The following PDE1C variants were observed in gnomAD, a reference collection of about 807,000 sequenced individuals.
The protein encoded by PDE1C is phosphodiesterase 1C.
In PDE1C, 62 loss-of-function variants were observed where a neutral mutation model predicts 93.1. That is an observed-to-expected ratio of 0.67 (90% CI 0.54 to 0.82). PDE1C has a LOEUF of 0.82. PDE1C is among the 40% of genes least tolerant of loss of function. The pLI is 0.00. For synonymous variants in PDE1C, 325 were observed against 310.1 expected (o/e 1.05, Z -0.50); for missense variants, 742 against 884.6 (o/e 0.84, Z 2.04).
chr7:31,892,981 CT>C (rs1424534402), intron 2 of PDE1C, among the ~76,000 whole-genome samples: 1 of 152,124 alleles, frequency 6.6e-6, no homozygotes, highest in African/African-American at 2.4e-5. Flanking sequence ...GATTTAATCA[CT>C]CCACAATCTA....
intron 2 of PDE1C, among the ~76,000 whole-genome samples, chr7:31,970,926 T>C (rs1810866144): frequency 6.6e-6 from 1 of 152,178 alleles, no homozygotes; most frequent in Non-Finnish European, 1.5e-5. Context: ...GAGGATCACC[T>C]GAAGTCAGGA....
intron 1 of PDE1C, among the ~76,000 whole-genome samples, chr7:32,053,004 C>G (rs62457519): frequency 1.3e-5 from 2 of 152,030 alleles, no homozygotes; most frequent in East Asian, 1.9e-4. Flanking sequence ...AAATATAGGA[C>G]TATATAGAGA....
rs565328331 is a variant in PDE1C, at chr7:32,028,314, C to A, written c.128+23240G>T. The stretch of plus-strand genomic sequence containing the variant: ...AATCTAACAGGTCCCAAGCTTCTCC[C>A]TTTCAAATATGTATTTATTCATTCA... On this transcript the variant is annotated intron_variant, in intron 2 of 17. Transcript: ENST00000396191. 1.3e-4 allele frequency among the ~76,000 whole-genome samples: 20 copies of A among 152,206 alleles called. No individual in the cohort carries two copies. The South Asian group carries it at 4.2e-3, about 32-fold the overall frequency.
intron 17 of PDE1C, among the ~76,000 whole-genome samples, chr7:31,770,984 T>C (rs1361626853): frequency 1.3e-5 from 2 of 152,238 alleles, no homozygotes; most frequent in Non-Finnish European, 2.9e-5. Flanking sequence ...AATGACTATA[T>C]GTTTGCTTCC....
At chr7:32,184,507 G>C (rs1041059332) in intron 2 of PDE1C, among the ~76,000 whole-genome samples, 4 of 152,192 alleles carry the variant, frequency 2.6e-5, no homozygotes, top group Non-Finnish European at 4.4e-5. Context: ...GTAGGGACAT[G>C]ATGAAGCTGG....
chr7:31,822,749 G>A (rs758397230), intron 14 of PDE1C, among the ~76,000 whole-genome samples: 1 of 152,086 alleles, frequency 6.6e-6, no homozygotes, highest in Non-Finnish European at 1.5e-5. Flanking sequence ...TCACAGTTGT[G>A]CCACATGATA....
chr7:31,841,241 A>ATATG (rs1791850691), intron 9 of PDE1C, among the ~76,000 whole-genome samples: 4 of 148,540 alleles, frequency 2.7e-5, no homozygotes, highest in African/African-American at 9.9e-5. Context: ...ATATATATAT[A>ATATG]TATGTATATG....
intron 3 of PDE1C, among the ~76,000 whole-genome samples, chr7:32,149,645 G>C (rs1244802883): frequency 6.6e-6 from 1 of 152,142 alleles, no homozygotes; most frequent in Non-Finnish European, 1.5e-5. Flanking sequence ...TTAAACATGG[G>C]AGAAATGTTG....
At chr7:31,695,826 T>C in the PDE1C span, 1 of 396,198 alleles carries the variant, frequency 2.5e-6, no homozygotes. Context: ...ACAATAAAAG[T>C]TTATTTTTTT....
the PDE1C span, chr7:31,695,407 G>A: frequency 2.0e-6 from 3 of 1,483,070 alleles, no homozygotes; most frequent in Non-Finnish European, 2.7e-6. Context: ...GAACCAAACA[G>A]TTTGTGACTG....
chr7:31,909,498 C>T (rs1800975818), intron 2 of PDE1C, among the ~76,000 whole-genome samples: 1 of 151,948 alleles, frequency 6.6e-6, no homozygotes, highest in South Asian at 2.1e-4. Flanking sequence ...GAAATATATA[C>T]ATATATATAT....
chr7:32,095,419 A>G (rs1282715320), intron 3 of PDE1C, among the ~76,000 whole-genome samples: 1 of 152,146 alleles, frequency 6.6e-6, no homozygotes, highest in Non-Finnish European at 1.5e-5. Context: ...CCTTCCTTCC[A>G]GACAATGGCA....
intron 3 of PDE1C, among the ~76,000 whole-genome samples, chr7:32,083,978 C>A (rs1303376378): frequency 6.7e-6 from 1 of 150,258 alleles, no homozygotes; most frequent in African/African-American, 2.5e-5. Flanking sequence ...ATCATAATGA[C>A]AGGATCAAAT....
At chr7:31,692,540 T>C in the PDE1C span, 704 of 1,575,538 alleles carry the variant, frequency 4.5e-4, 1 homozygote, top group African/African-American at 8.4e-3. Context: ...AAATGATCGA[T>C]TGTGAATGTC....
chr7:32,287,499 C>G (rs1272096517), intron 1 of PDE1C, among the ~76,000 whole-genome samples: 1 of 152,250 alleles, frequency 6.6e-6, no homozygotes, highest in Non-Finnish European at 1.5e-5. Flanking sequence ...CACAGTTATA[C>G]CAATGTCTGT....
chr7:32,065,068 A>G (rs40969), intron 1 of PDE1C, among the ~76,000 whole-genome samples: 82,789 of 113,632 alleles, frequency 0.73, 28,394 homozygotes, highest in Middle Eastern at 0.78. Flanking sequence ...GGGGGGGAGG[A>G]GCCGGGGGCC....
intron 1 of PDE1C, among the ~76,000 whole-genome samples, chr7:32,374,067 A>AAAGAGGG (rs1395017256): frequency 1.4e-4 from 12 of 86,252 alleles, no homozygotes; most frequent in Non-Finnish European, 2.6e-4. Flanking sequence ...GGTAGGCAGG[A>AAAGAGGG]AAGAGGGAGG....
chr7:31,774,629 A>C (rs1471469653), intron 17 of PDE1C, among the ~76,000 whole-genome samples: 1 of 152,250 alleles, frequency 6.6e-6, no homozygotes, highest in Non-Finnish European at 1.5e-5. Context: ...TAAATTATCA[A>C]TAGACATATA....
intron 2 of PDE1C, among the ~76,000 whole-genome samples, chr7:32,207,079 G>A (rs1805627153): frequency 1.3e-5 from 2 of 152,154 alleles, no homozygotes; most frequent in South Asian, 4.1e-4. Flanking sequence ...GCTTGAGCCT[G>A]CAATGATGGG....
Sources: allele counts gnomAD v4.1 joint callset (sites outside exome capture counted in the v4.1 genomes callset), GRCh38; gene constraint gnomAD v4.1.1; transcripts MANE v1.5; gene names NCBI Gene and HGNC (gene_info 2026-07-23, HGNC 2026-07-21).